The following TMEM87B variants were observed in gnomAD, a reference collection of about 807,000 sequenced individuals.
The protein encoded by TMEM87B is transmembrane protein 87B.
Under a neutral mutation model 80.3 loss-of-function variants are expected in TMEM87B, and 83 were observed. The ratio of observed to expected loss-of-function variants is 1.03; its 90% confidence interval spans 0.87 to 1.24. The LOEUF is 1.24. Ranked by LOEUF, TMEM87B falls within the 50% of genes most tolerant of loss-of-function variation. The pLI is 0.00. For missense variants in TMEM87B, 625 were observed against 674.4 expected (o/e 0.93, Z 0.81); for synonymous variants, 219 against 230.5 (o/e 0.95, Z 0.45).
Position 112,098,687 on chromosome 2 carries a change from A to C in TMEM87B, c.1365A>C (p.Ala455=), listed in dbSNP as rs1489834170. The C allele has an allele frequency of 6.2e-7, 1 of 1,613,928 alleles. No homozygotes were observed. The highest frequency in any genetic ancestry group is 8.5e-7 in the Non-Finnish European group (1 of 1,179,928). ...TCATGTTTTTGTGGAGACCATCAGC[A>C]AACAATCAGAGGTACCTAACATAGG... is the stretch of plus-strand genomic sequence containing the variant. ...IVIMFLWRPS[A]NNQRYAFMPL... Residue 455 remains alanine, a synonymous_variant, in exon 14 of 19, where the codon GCA becomes GCC. Transcript: ENST00000283206.
At chr2:112,077,064 ATT>A in intron 5 of TMEM87B, 126 bp from the exon 6 acceptor site, 1 of 496,772 alleles carries the variant, frequency 2.0e-6, no homozygotes. Flanking sequence ...AAAGGAAAAA[ATT>A]AAAAAATAGA....
At chr2:112,084,984 A>G (rs1489324022) in intron 8 of TMEM87B, among the ~76,000 whole-genome samples, 1 of 152,272 alleles carries the variant, frequency 6.6e-6, no homozygotes, top group Non-Finnish European at 1.5e-5. Flanking sequence ...CCATCAAAGC[A>G]TAAAAGCAGC....
intron 11 of TMEM87B, among the ~76,000 whole-genome samples, chr2:112,094,158 G>A (rs977463487): frequency 4.2e-5 from 6 of 142,884 alleles, no homozygotes; most frequent in African/African-American, 1.5e-4. Context: ...AAGATTTCTT[G>A]TTCTTTTTTT....
chr2:112,077,779 G>A (rs1028825669), intron 6 of TMEM87B, among the ~76,000 whole-genome samples: 11 of 152,232 alleles, frequency 7.2e-5, no homozygotes, highest in African/African-American at 2.7e-4. Context: ...ACCACTGTAA[G>A]TTAGACCCTC....
At chr2:112,070,463 T>TTA (rs1678589952) in intron 4 of TMEM87B, among the ~76,000 whole-genome samples, 1 of 152,202 alleles carries the variant, frequency 6.6e-6, no homozygotes, top group Non-Finnish European at 1.5e-5. Context: ...TTTGTCAACT[T>TTA]TATTAAAGAC....
chr2:112,058,528 C>G (rs1678152036), intron 1 of TMEM87B, among the ~76,000 whole-genome samples: 1 of 146,230 alleles, frequency 6.8e-6, no homozygotes, highest in African/African-American at 2.6e-5. Flanking sequence ...GACTGGAATC[C>G]ATCTTTTTAT....
At chr2:112,085,280 T>C (rs373750512) in intron 8 of TMEM87B, among the ~76,000 whole-genome samples, 10 of 152,272 alleles carry the variant, frequency 6.6e-5, no homozygotes, top group Non-Finnish European at 1.3e-4. Flanking sequence ...TTTGACTTCT[T>C]GCAGCATAGT....
chr2:112,080,058 T>C (rs1470093286), intron 6 of TMEM87B, among the ~76,000 whole-genome samples: 6 of 149,176 alleles, frequency 4.0e-5, no homozygotes, highest in African/African-American at 1.5e-4. Flanking sequence ...GCTTCCCAAG[T>C]AGCTGGGATT....
intron 17 of TMEM87B, among the ~76,000 whole-genome samples, chr2:112,108,504 C>A (rs887592615): frequency 6.6e-6 from 1 of 152,122 alleles, no homozygotes; most frequent in Non-Finnish European, 1.5e-5. Context: ...CTGAAAAAGT[C>A]TTTGTTTCAC....
At chr2:112,087,991 C>T (rs1005505175) in intron 9 of TMEM87B, among the ~76,000 whole-genome samples, 2 of 152,232 alleles carry the variant, frequency 1.3e-5, no homozygotes, top group African/African-American at 2.4e-5. Context: ...CCAGCCTCCT[C>T]TGCTGCACCC....
intron 4 of TMEM87B, among the ~76,000 whole-genome samples, chr2:112,070,797 A>G (rs1032698094): frequency 6.6e-6 from 1 of 151,858 alleles, no homozygotes; most frequent in Non-Finnish European, 1.5e-5. Context: ...TTAATTCTTC[A>G]TATCCATGAG....
At chr2:112,090,566 A>T (rs1243339938) in intron 10 of TMEM87B, among the ~76,000 whole-genome samples, 1 of 152,066 alleles carries the variant, frequency 6.6e-6, no homozygotes, top group Non-Finnish European at 1.5e-5. Flanking sequence ...AGCTGGGACT[A>T]CAGGTGCAGG....
intron 14 of TMEM87B, among the ~76,000 whole-genome samples, 192 bp downstream of exon 14, chr2:112,098,890 G>A (rs530898191): frequency 6.6e-6 from 1 of 152,334 alleles, no homozygotes; most frequent in South Asian, 2.1e-4. Flanking sequence ...GAAGATGGAA[G>A]AGGGTTGAGG....
At position 112,055,622 on chromosome 2, in the gene TMEM87B, C is replaced by G; in HGVS notation, c.31C>G (p.Leu11Val). The change falls in exon 1 of 19, where the codon CTC becomes GTC. Residue 11 changes from leucine to valine, a missense_variant. Leu to Val is a conservative substitution (Grantham distance 32). Coordinates refer to ENST00000283206, the MANE Select transcript of TMEM87B (RefSeq NM_032824.3). ...CGCCGCCTGCCGCTCGGTAGCCGGG[C>G]TCCTGCCACGCCGCCGCCGCTGCTT... MVAACRSVAG[L>V]LPRRRRCFPA... The G allele has an allele frequency of 6.5e-7, 1 of 1,541,790 alleles. No homozygotes were observed. The highest frequency in any genetic ancestry group is 8.7e-7 in the Non-Finnish European group (1 of 1,146,154).
At chr2:112,095,263 C>T in intron 11 of TMEM87B, 2 of 965,050 alleles carry the variant, frequency 2.1e-6, no homozygotes, top group Non-Finnish European at 2.4e-6. Context: ...TGGCCAGCCT[C>T]CCCCTCTCTC....
At chr2:112,085,859 A>G (rs890485271) in intron 8 of TMEM87B, 146 bp from the exon 9 acceptor site, 1 of 627,668 alleles carries the variant, frequency 1.6e-6, no homozygotes, top group Non-Finnish European at 2.7e-6. Context: ...TTCAAGCATC[A>G]GTTGGATTCA....
chr2:112,081,313 A>T (rs1678990508), intron 7 of TMEM87B, 22 bp from the exon 8 acceptor site: 1 of 1,577,302 alleles, frequency 6.3e-7, no homozygotes, highest in African/African-American at 1.4e-5. Context: ...TTAACTGACT[A>T]AAATTGCTTC....
At chr2:112,055,824 T>C in intron 1 of TMEM87B, 68 bp downstream of exon 1, 1 of 1,431,982 alleles carries the variant, frequency 7.0e-7, no homozygotes, top group South Asian at 1.5e-5. Context: ...CGGCTTCGCT[T>C]GACCCCGGGC....
intron 15 of TMEM87B, among the ~76,000 whole-genome samples, chr2:112,101,679 ACAT>A (rs1679636403): frequency 1.3e-5 from 2 of 152,212 alleles, no homozygotes; most frequent in South Asian, 4.1e-4. Context: ...GCAAAGGCAG[ACAT>A]ATGTGGTGTA....
Sources: gnomAD v4.1 joint callset for allele counts (sites outside exome capture counted in the v4.1 genomes callset) on GRCh38, gnomAD v4.1.1 for gene constraint, MANE v1.5 for transcripts, NCBI Gene and HGNC (gene_info 2026-07-23, HGNC 2026-07-21) for gene names.